The following PCDHA8 variants were observed in gnomAD, a reference collection of about 807,000 sequenced individuals.
The protein encoded by PCDHA8 is protocadherin alpha 8.
PCDHA8 carries 53 observed loss-of-function variants against 61.8 expected under a neutral mutation model. The observed-to-expected ratio is 0.86, with a 90% CI of 0.69 to 1.08. The LOEUF (loss-of-function observed/expected upper bound fraction) is 1.08. Ranked by LOEUF, PCDHA8 falls within the 50% of genes least tolerant of loss-of-function variation. The probability of loss-of-function intolerance (pLI) is 0.00; values close to 1 mark genes in which losing one functional copy is unlikely to be tolerated. For synonymous variants in PCDHA8, 618 were observed against 556.6 expected, an observed-to-expected ratio of 1.11 and a Z score of -1.55; for missense variants, 1,293 against 1,245.0, an observed-to-expected ratio of 1.04 and a Z score of -0.58.
intron 1 of PCDHA8, among the ~76,000 whole-genome samples, chr5:140,892,696 C>T (rs1005435710): frequency 4.6e-5 from 7 of 152,098 alleles, no homozygotes; most frequent in Admixed American, 6.6e-5. Context: ...ATAATAAAAT[C>T]AGGGTAATTA....
chr5:140,843,655 T>C lies in PCDHA8; in HGVS notation c.2334T>C (p.Pro778=). Residue 778 remains proline, a synonymous_variant, in exon 1 of 4, where the codon CCT becomes CCC. Transcript: ENST00000531613. ...TGGCCTTCAGCCCCTGCCTTCCTCC[T>C]GATCTGGGATCAGTTGATGTAGGCG... ...DLMAFSPCLP[P]DLGSVDVGEE... is the part of the protein sequence containing the mutation. 1 of 1,594,836 alleles carries C rather than the reference T, an allele frequency of 6.3e-7. No individual in the cohort carries two copies. Among genetic ancestry groups the C allele is most frequent in the Non-Finnish European group, 8.6e-7 (1 of 1,164,364 alleles).
chr5:140,844,854 T>C (rs1315515801), intron 1 of PCDHA8, among the ~76,000 whole-genome samples: 10 of 149,524 alleles, frequency 6.7e-5, no homozygotes, highest in African/African-American at 2.4e-4. Context: ...CTGTTGGACC[T>C]GCCTGGATAT....
chr5:140,884,499 C>T (rs782667822), intron 1 of PCDHA8: 1 of 1,614,062 alleles, frequency 6.2e-7, no homozygotes, highest in South Asian at 1.1e-5. Flanking sequence ...TGCTCCAGCG[C>T]GGCAGGGAGT....
chr5:140,904,134 C>T (rs1583515585), intron 1 of PCDHA8, among the ~76,000 whole-genome samples: 2 of 152,002 alleles, frequency 1.3e-5, no homozygotes, highest in Admixed American at 6.6e-5. Flanking sequence ...ACCCATCACC[C>T]GAGCAGTATA....
At chr5:140,991,025 A>G (rs1440890555) in intron 3 of PCDHA8, among the ~76,000 whole-genome samples, 2 of 152,208 alleles carry the variant, frequency 1.3e-5, no homozygotes, top group African/African-American at 4.8e-5. Flanking sequence ...CACTTTACAT[A>G]TGTTGCATAC....
chr5:140,894,354 TTTC>T (rs1477056787), intron 1 of PCDHA8, among the ~76,000 whole-genome samples: 2 of 152,070 alleles, frequency 1.3e-5, no homozygotes, highest in Admixed American at 1.3e-4. Context: ...TTACTTCAGA[TTTC>T]TTCTTCAATG....
At chr5:140,926,713 C>G (rs1018008271) in intron 1 of PCDHA8, 16 of 944,684 alleles carry the variant, frequency 1.7e-5, no homozygotes, top group Non-Finnish European at 2.3e-5. Flanking sequence ...CTGGCCAGCC[C>G]CGGCAATGCC....
intron 1 of PCDHA8, among the ~76,000 whole-genome samples, chr5:140,945,880 A>G (rs1210743057): frequency 6.6e-6 from 1 of 152,136 alleles, no homozygotes; most frequent in Non-Finnish European, 1.5e-5. Flanking sequence ...TAAAACTAAC[A>G]AAGAAAACAC....
At chr5:140,867,783 G>A (rs1426151534) in intron 1 of PCDHA8, 1 of 152,002 alleles carries the variant, frequency 6.6e-6, no homozygotes, top group Non-Finnish European at 1.5e-5. Flanking sequence ...AGCAATTCCT[G>A]TATTTTACTT....
At chr5:140,995,424 A>G (rs868948138) in intron 3 of PCDHA8, among the ~76,000 whole-genome samples, 10 of 152,186 alleles carry the variant, frequency 6.6e-5, no homozygotes, top group South Asian at 2.1e-4. Flanking sequence ...ATTACTCAGA[A>G]CAGCTTGCAA....
intron 1 of PCDHA8, among the ~76,000 whole-genome samples, chr5:140,925,385 C>G (rs559735505): frequency 6.4e-4 from 97 of 152,144 alleles, no homozygotes; most frequent in Non-Finnish European, 1.2e-3. Context: ...AATGAGTCTC[C>G]TTTTGGCTCG....
chr5:140,851,473 G>A, intron 1 of PCDHA8: 4 of 889,518 alleles, frequency 4.5e-6, no homozygotes, highest in African/African-American at 1.8e-5. Context: ...GTCAATAAAT[G>A]TTATAAACAC....
At chr5:141,003,158 A>G (rs902811266) in intron 3 of PCDHA8, among the ~76,000 whole-genome samples, 4 of 152,222 alleles carry the variant, frequency 2.6e-5, no homozygotes, top group Non-Finnish European at 5.9e-5. Context: ...GACCTGATCA[A>G]TCCTAGTCCC....
At chr5:140,914,802 T>C (rs2076849351) in intron 1 of PCDHA8, among the ~76,000 whole-genome samples, 1 of 152,202 alleles carries the variant, frequency 6.6e-6, no homozygotes, top group African/African-American at 2.4e-5. Flanking sequence ...TTTAAACTGA[T>C]GGCAACTTAA....
At chr5:140,941,210 T>C (rs199663607) in intron 1 of PCDHA8, among the ~76,000 whole-genome samples, 3,757 of 100,378 alleles carry the variant, frequency 0.037, 93 homozygotes, top group African/African-American at 0.096. Context: ...TTCCTTTCTT[T>C]CTTCCTTTCT....
chr5:140,922,177 A>G (rs1194396252), intron 1 of PCDHA8, among the ~76,000 whole-genome samples: 1 of 69,034 alleles, frequency 1.4e-5, no homozygotes, highest in Non-Finnish European at 3.3e-5. Context: ...TACAGCAGAC[A>G]AAAAAAAAGT....
In PCDHA8 at chr5:140,965,644, G is replaced by C. The variant is rs201197561; in HGVS notation, c.2395-13305G>C. On this transcript the variant is annotated intron_variant, in intron 1 of 3. Transcript: ENST00000531613. Reference sequence around the variant, plus strand: ...AAAGAAAAAATTTTAAATTACTCTTGAAAGAAAATGTCTTGGGTGATAAAT... The same window carrying C: ...AAAGAAAAAATTTTAAATTACTCTTCAAAGAAAATGTCTTGGGTGATAAAT... Among the ~76,000 whole-genome samples, 13 of 152,146 alleles carry C rather than the reference G, an allele frequency of 8.5e-5. No individual in the cohort carries two copies. The East Asian group carries it at 2.5e-3, about 29-fold the overall frequency.
Position 140,842,608 on chromosome 5 carries a change from C to G in PCDHA8, c.1287C>G (p.Asp429Glu). Residue 429 changes from aspartate (D) to glutamate (E), a missense_variant, in exon 1 of 4, where the codon GAC becomes GAG. By Grantham distance (45) the Asp-to-Glu change is conservative. Transcript: ENST00000531613. ...ATGAGTTGGTGGTAACCGCGCGGGACGGGGGCTCGCCTTCGCTGTGGGCCA... is the reference window on the plus strand; with the variant it reads ...ATGAGTTGGTGGTAACCGCGCGGGAGGGGGGCTCGCCTTCGCTGTGGGCCA... ...SAYELVVTAR[D>E]GGSPSLWATA... The G allele has an allele frequency of 1.9e-6, 3 of 1,557,216 alleles. No homozygotes were observed. The East Asian group carries it at 6.8e-5, about 35-fold the overall frequency.
At chr5:140,888,623 C>T (rs1456857060) in intron 1 of PCDHA8, among the ~76,000 whole-genome samples, 1 of 152,160 alleles carries the variant, frequency 6.6e-6, no homozygotes. Context: ...ACTAATTCGG[C>T]CTTCTATTAC....
Sources: gnomAD v4.1 joint callset for allele counts (sites outside exome capture counted in the v4.1 genomes callset) on GRCh38, gnomAD v4.1.1 for gene constraint, MANE v1.5 for transcripts, NCBI Gene and HGNC (gene_info 2026-07-23, HGNC 2026-07-21) for gene names.